Variants in PPP2R2B observed in about 807,000 individuals in gnomAD.
PPP2R2B encodes the protein protein phosphatase 2 regulatory subunit Bbeta.
PPP2R2B carries 5 observed loss-of-function variants against 46.0 expected under a neutral mutation model. The ratio of observed to expected loss-of-function variants is 0.11; its 90% CI spans 0.06 to 0.23. PPP2R2B has a LOEUF of 0.23. Ranked by LOEUF, PPP2R2B falls within the 10% of genes least tolerant of loss-of-function variation. The pLI, the probability that PPP2R2B is intolerant of heterozygous loss-of-function variation, is 1.00. For synonymous variants in PPP2R2B, 215 were observed against 206.7 expected (o/e 1.04, Z -0.34); for missense variants, 367 against 575.0 (o/e 0.64, Z 3.70).
chr5:146,733,386 C>T (rs1240948797), intron 2 of PPP2R2B, among the ~76,000 whole-genome samples: 1 of 152,160 alleles, frequency 6.6e-6, no homozygotes, highest in African/African-American at 2.4e-5. Flanking sequence ...AGTTTCAACA[C>T]AGCAGATACC....
chr5:146,740,173 G>T lies in PPP2R2B; in HGVS notation c.71-39031C>A, dbSNP rs1408228080. 2.0e-5 allele frequency among the ~76,000 whole-genome samples: 3 copies of T among 152,284 alleles called. No homozygotes were observed. In the East Asian group the frequency reaches 5.8e-4, roughly 29 times the overall value. ...TGCTAAATGGTGGTTCTCACCAAAG[G>T]TAGAAAAATGAATAGGTGAAATGTT... is the stretch of plus-strand genomic sequence containing the variant. On this transcript the variant is annotated intron_variant, in intron 2 of 9. Transcript: ENST00000394411.
intron 1 of PPP2R2B, among the ~76,000 whole-genome samples, chr5:146,989,402 G>T (rs1753583601): frequency 6.6e-6 from 1 of 152,054 alleles, no homozygotes; most frequent in Non-Finnish European, 1.5e-5. Flanking sequence ...CATTTATTAT[G>T]ATCAAATAGG....
At chr5:146,778,703 T>C (rs1302252173) in intron 2 of PPP2R2B, among the ~76,000 whole-genome samples, 5 of 152,184 alleles carry the variant, frequency 3.3e-5, no homozygotes, top group Non-Finnish European at 7.4e-5. Flanking sequence ...GATGGGTCAG[T>C]GACTCAAATT....
At chr5:146,593,619 G>T (rs1333314910) in intron 8 of PPP2R2B, among the ~76,000 whole-genome samples, 1 of 152,214 alleles carries the variant, frequency 6.6e-6, no homozygotes, top group African/African-American at 2.4e-5. Context: ...GGCTTCACTG[G>T]ATGAGGTAGC....
rs547240109 is a variant in PPP2R2B at position 147,069,541 on chromosome 5, C to T, written c.50+11518G>A. 4.6e-5 allele frequency among the ~76,000 whole-genome samples: 7 copies of T among 152,218 alleles called. No homozygotes were observed. The East Asian group carries it at 1.4e-3, about 30-fold the overall frequency. ...CAACATAAACTCTTCCCTTACTGAC[C>T]AATCCAGGCATCCTGGCCTTCCTTC... On this transcript the variant is annotated intron_variant, in intron 2 of 10. Coordinates refer to the PPP2R2B transcript ENST00000394413.
chr5:146,738,181 G>A (rs1404532315), intron 2 of PPP2R2B, among the ~76,000 whole-genome samples: 1 of 151,900 alleles, frequency 6.6e-6, no homozygotes, highest in African/African-American at 2.4e-5. Flanking sequence ...CGGATCACGA[G>A]GTCAGGAGAT....
At chr5:146,994,811 A>G (rs1376242802) in intron 1 of PPP2R2B, among the ~76,000 whole-genome samples, 3 of 152,226 alleles carry the variant, frequency 2.0e-5, no homozygotes, top group Non-Finnish European at 4.4e-5. Context: ...GCACTGTGCC[A>G]ACTGCAAGAG....
intron 1 of PPP2R2B, among the ~76,000 whole-genome samples, chr5:146,997,846 A>T (rs1753991417): frequency 6.6e-6 from 1 of 152,226 alleles, no homozygotes; most frequent in Admixed American, 6.5e-5. Flanking sequence ...CAGGTAATTA[A>T]GGCAAATATA....
intron 5 of PPP2R2B, among the ~76,000 whole-genome samples, chr5:146,673,567 C>T (rs2151125002): frequency 6.6e-6 from 1 of 152,064 alleles, no homozygotes; most frequent in East Asian, 1.9e-4. Flanking sequence ...AATGCATGGC[C>T]CAGGCTGAGA....
chr5:146,895,649 C>G (rs867592324), intron 1 of PPP2R2B, among the ~76,000 whole-genome samples: 16 of 152,272 alleles, frequency 1.1e-4, no homozygotes, highest in South Asian at 1.0e-3. Flanking sequence ...AGTTTATAAA[C>G]AGTTGTTAAC....
At chr5:146,853,400 A>G (rs1760467260) in intron 2 of PPP2R2B, among the ~76,000 whole-genome samples, 1 of 152,170 alleles carries the variant, frequency 6.6e-6, no homozygotes, top group Non-Finnish European at 1.5e-5. Context: ...TGAAAGTTAG[A>G]TTATGAATAG....
At chr5:147,028,678 G>A (rs1250751592) in intron 1 of PPP2R2B, among the ~76,000 whole-genome samples, 1 of 152,112 alleles carries the variant, frequency 6.6e-6, no homozygotes, top group Non-Finnish European at 1.5e-5. Context: ...ATATATGTAT[G>A]TGTTTCTCTT....
In PPP2R2B at chr5:147,014,635, A is replaced by G. The variant is rs1754907996; in HGVS notation, c.79+41030T>C. On this transcript the variant is annotated intron_variant, in intron 1 of 8. Transcript: ENST00000336640. ...ATCATTCTCAGTAAACTATCGCAAG[A>G]ACAAAAAACCAAACACCGCATATTC... 1.1e-4 allele frequency among the ~76,000 whole-genome samples: 16 copies of G among 152,066 alleles called. No individual in the cohort carries two copies. The South Asian group carries it at 3.3e-3, about 32-fold the overall frequency.
chr5:146,835,499 T>C (rs114691733), intron 2 of PPP2R2B, among the ~76,000 whole-genome samples: 55 of 152,242 alleles, frequency 3.6e-4, no homozygotes, highest in Non-Finnish European at 6.9e-4. Context: ...CACCTGTCCA[T>C]ACTGAACTTG....
Position 146,817,264 on chromosome 5 carries a change from A to T in PPP2R2B, c.70+60738T>A, listed in dbSNP as rs143644129. Among the ~76,000 whole-genome samples the T allele has an allele frequency of 2.0e-5, 3 of 152,262 alleles. No individual in the cohort carries two copies. In the East Asian group the frequency reaches 5.8e-4, roughly 29 times the overall value. On this transcript the variant is annotated intron_variant, in intron 2 of 9. Coordinates refer to ENST00000394411, the MANE Select transcript of PPP2R2B (RefSeq NM_181675.4). Reference sequence around the variant, plus strand: ...ACTTATGCAAATCTCCTCTTTCCCAAGGTAAACATTCCCAATGTCATCAAC... The same window carrying T: ...ACTTATGCAAATCTCCTCTTTCCCATGGTAAACATTCCCAATGTCATCAAC...
intron 2 of PPP2R2B, among the ~76,000 whole-genome samples, chr5:146,782,288 A>G (rs1361703949): frequency 2.0e-5 from 3 of 152,250 alleles, no homozygotes; most frequent in Non-Finnish European, 4.4e-5. Context: ...GTCATAATTG[A>G]ACCAGAACTC....
At chr5:146,718,309 G>A (rs1313276199) in intron 2 of PPP2R2B, among the ~76,000 whole-genome samples, 1 of 151,964 alleles carries the variant, frequency 6.6e-6, no homozygotes, top group Non-Finnish European at 1.5e-5. Context: ...GACAGATTGA[G>A]CCCAGGAGGT....
intron 1 of PPP2R2B, among the ~76,000 whole-genome samples, chr5:147,016,852 A>G (rs1348859536): frequency 2.0e-5 from 3 of 151,676 alleles, no homozygotes; most frequent in Non-Finnish European, 2.9e-5. Context: ...GCATTTAGGC[A>G]TGATCACAGC....
intron 2 of PPP2R2B, among the ~76,000 whole-genome samples, chr5:146,768,561 T>C (rs894761838): frequency 3.3e-5 from 5 of 152,202 alleles, no homozygotes; most frequent in African/African-American, 1.2e-4. Flanking sequence ...TTTTGCATCC[T>C]TTTTCCTCTT....
Sources: allele counts gnomAD v4.1 joint callset (sites outside exome capture counted in the v4.1 genomes callset), GRCh38; gene constraint gnomAD v4.1.1; transcripts MANE v1.5; gene names NCBI Gene and HGNC (gene_info 2026-07-23, HGNC 2026-07-21).